The following DYM variants were observed in gnomAD, a reference collection of about 807,000 sequenced individuals.
The protein encoded by DYM is dyggve-Melchior-Clausen syndrome protein.
DYM carries 78 observed loss-of-function variants against 93.1 expected under a neutral mutation model. The observed-to-expected ratio is 0.84, with a 90% confidence interval of 0.70 to 1.01. The LOEUF is 1.01. Ranked by LOEUF, DYM falls within the 50% of genes least tolerant of loss-of-function variation. The probability of loss-of-function intolerance (pLI) is 0.00; values close to 1 mark genes in which losing one functional copy is unlikely to be tolerated. For synonymous variants in DYM, 321 were observed against 319.7 expected, an observed-to-expected ratio of 1.00 and a Z score of -0.04; for missense variants, 789 against 845.0, an observed-to-expected ratio of 0.93 and a Z score of 0.82.
At chr18:49,053,561 C>T (rs1261849036) in intron 17 of DYM, among the ~76,000 whole-genome samples, 1 of 152,206 alleles carries the variant, frequency 6.6e-6, no homozygotes, top group East Asian at 1.9e-4. Flanking sequence ...TGGCAGATGG[C>T]GCAGGTCGGG....
At chr18:49,419,843 C>A (rs1365997700) in intron 2 of DYM, among the ~76,000 whole-genome samples, 2 of 152,118 alleles carry the variant, frequency 1.3e-5, no homozygotes, top group East Asian at 1.9e-4. Flanking sequence ...TTTGGAATAG[C>A]TTTATAAATT....
intron 14 of DYM, among the ~76,000 whole-genome samples, chr18:49,171,201 G>A (rs1017575504): frequency 1.3e-5 from 2 of 150,736 alleles, no homozygotes; most frequent in Non-Finnish European, 3.0e-5. Flanking sequence ...ACATTGCTGG[G>A]GAGCAGAGTG....
intron 6 of DYM, among the ~76,000 whole-genome samples, chr18:49,362,164 C>T (rs115615373): frequency 1.5e-4 from 23 of 152,018 alleles, no homozygotes; most frequent in African/African-American, 5.5e-4. Flanking sequence ...CTGCACCTGG[C>T]CAATACTTTT....
intron 2 of DYM, among the ~76,000 whole-genome samples, chr18:49,412,644 G>A (rs758544659): frequency 9.2e-5 from 14 of 152,158 alleles, no homozygotes; most frequent in Non-Finnish European, 1.9e-4. Flanking sequence ...AGATGGTTTA[G>A]CAGCGATCCC....
intron 14 of DYM, among the ~76,000 whole-genome samples, chr18:49,187,297 C>A (rs928230587): frequency 2.0e-5 from 3 of 152,128 alleles, no homozygotes; most frequent in Non-Finnish European, 4.4e-5. Context: ...TGGTCTTGTC[C>A]TGCTCCTAAC....
intron 15 of DYM, among the ~76,000 whole-genome samples, chr18:49,143,986 T>C (rs1451367389): frequency 6.6e-6 from 1 of 152,104 alleles, no homozygotes; most frequent in African/African-American, 2.4e-5. Context: ...CACAATGCAA[T>C]TTTCACACAT....
At chr18:49,085,606 CTT>C (rs11437833) in intron 17 of DYM, among the ~76,000 whole-genome samples, 76 of 102,160 alleles carry the variant, frequency 7.4e-4, no homozygotes, top group African/African-American at 1.9e-3. Context: ...ACAACTGGTC[CTT>C]TTTTTTTTTT....
chr18:49,182,515 C>A (rs907152292), intron 14 of DYM, among the ~76,000 whole-genome samples: 1 of 152,174 alleles, frequency 6.6e-6, no homozygotes, highest in African/African-American at 2.4e-5. Context: ...CTGATTCCTT[C>A]ATTGTTATGA....
chr18:49,209,731 A>T lies in DYM; in HGVS notation c.1461-16T>A. On this transcript the variant is annotated splice_polypyrimidine_tract_variant and intron_variant, in intron 13 of 17. Coordinates refer to ENST00000675505, the MANE Select transcript of DYM (RefSeq NM_001353214.3). ...GCAGGTATAACTGAAAGACAAAGGTAAAAGGAGAGAAACAGAAAGAGAGGA... is the reference window on the plus strand; with the variant it reads ...GCAGGTATAACTGAAAGACAAAGGTTAAAGGAGAGAAACAGAAAGAGAGGA... 8.1e-7 allele frequency: 1 copy of T among 1,237,698 alleles called. No homozygotes were observed. Among genetic ancestry groups the T allele is most frequent in the Non-Finnish European group, 1.0e-6 (1 of 960,188 alleles). The allele number at this position is 1,237,698 out of a possible 1,614,324, so 76.7% of individuals were successfully genotyped here.
At chr18:49,308,282 T>TTG (rs142624109) in intron 8 of DYM, among the ~76,000 whole-genome samples, 21 of 112,196 alleles carry the variant, frequency 1.9e-4, no homozygotes, top group African/African-American at 5.6e-4. Flanking sequence ...TCATACACAC[T>TTG]TGTGTGTGTA....
At position 49,410,095 on chromosome 18, in the gene DYM, T is replaced by C. The variant is rs1008405225; in HGVS notation, c.141-18450A>G. ...GTGTGTGTGTTTTAGAGACAGGGTC[T>C]CGATGCATTCCCAAGGCTGGATTAC... On this transcript the variant is annotated intron_variant, in intron 2 of 17. Transcript: ENST00000675505. 2.6e-5 allele frequency among the ~76,000 whole-genome samples: 4 copies of C among 152,332 alleles called. No individual in the cohort carries two copies. The East Asian group carries it at 7.7e-4, about 29-fold the overall frequency.
At chr18:49,258,968 A>G (rs1372609867) in intron 11 of DYM, among the ~76,000 whole-genome samples, 2 of 99,594 alleles carry the variant, frequency 2.0e-5, no homozygotes, top group African/African-American at 7.0e-5. Context: ...AAGAGGTAAA[A>G]TGGGGGAAAA....
At chr18:49,090,604 C>G (rs994454128) in intron 17 of DYM, among the ~76,000 whole-genome samples, 5 of 152,146 alleles carry the variant, frequency 3.3e-5, no homozygotes, top group African/African-American at 1.2e-4. Flanking sequence ...ACATGCTCTA[C>G]ATGGATCAGG....
Position 49,237,941 on chromosome 18 carries a change from G to C in DYM, c.1460+19069C>G, listed in dbSNP as rs1003016838. ...TACAGCTGCACACTACTAGATCAAT[G>C]TACCATATTTAAGTAGGTCTCTGTT... On this transcript the variant is annotated intron_variant, in intron 13 of 17. Coordinates refer to ENST00000675505, the MANE Select transcript of DYM (RefSeq NM_001353214.3). 6.9e-5 allele frequency among the ~76,000 whole-genome samples: 10 copies of C among 143,896 alleles called. No individual in the cohort carries two copies. The Admixed American group carries it at 7.1e-4, about 10-fold the overall frequency. 94.4% of individuals were successfully genotyped at this position (143,896 alleles called of 152,430 possible). A position where few individuals can be genotyped will look rare whatever the true frequency, so the allele number is the denominator to read the frequency against.
chr18:49,103,331 G>C (rs891221363), intron 16 of DYM, among the ~76,000 whole-genome samples: 1 of 152,278 alleles, frequency 6.6e-6, no homozygotes, highest in African/African-American at 2.4e-5. Context: ...CAGATGGGTA[G>C]ATGGCAAAAA....
intron 13 of DYM, among the ~76,000 whole-genome samples, chr18:49,238,463 T>A (rs1007740208): frequency 6.6e-6 from 1 of 151,634 alleles, no homozygotes; most frequent in African/African-American, 2.4e-5. Flanking sequence ...TATAATAATA[T>A]TATTTCTTCA....
At chr18:49,074,053 T>C (rs2077110543) in intron 17 of DYM, among the ~76,000 whole-genome samples, 1 of 152,200 alleles carries the variant, frequency 6.6e-6, no homozygotes, top group African/African-American at 2.4e-5. Context: ...GTCATATGAA[T>C]TGAAAAAGAT....
At chr18:49,238,865 A>G (rs553406934) in intron 13 of DYM, among the ~76,000 whole-genome samples, 1 of 152,122 alleles carries the variant, frequency 6.6e-6, no homozygotes, top group African/African-American at 2.4e-5. Flanking sequence ...AATTGGAGAC[A>G]CTGTGAATGC....
At chr18:49,196,172 C>T (rs1401343897) in intron 14 of DYM, among the ~76,000 whole-genome samples, 6 of 152,000 alleles carry the variant, frequency 3.9e-5, no homozygotes, top group African/African-American at 9.7e-5. Context: ...GTGATCCACC[C>T]GCCTTGGCCT....
Sources: allele counts gnomAD v4.1 joint callset (sites outside exome capture counted in the v4.1 genomes callset), GRCh38; gene constraint gnomAD v4.1.1; transcripts MANE v1.5; gene names NCBI Gene and HGNC (gene_info 2026-07-23, HGNC 2026-07-21).